The following R3HDM4 variants were observed in gnomAD, a reference collection of about 807,000 sequenced individuals.
R3HDM4 encodes R3H domain containing 4, also known as R3H domain-containing protein 4.
R3HDM4 carries 30 observed loss-of-function variants against 31.3 expected under a neutral mutation model. That is an observed-to-expected ratio of 0.96 (90% confidence interval 0.72 to 1.30). R3HDM4 has a LOEUF of 1.30. Among genes scored for constraint, R3HDM4 ranks in the 50% most tolerant of loss-of-function variants. R3HDM4 has a pLI of 0.00. For synonymous variants in R3HDM4, 196 were observed against 156.6 expected (o/e 1.25, Z -1.88); for missense variants, 444 against 366.1 (o/e 1.21, Z -1.74).
chr19:899,499 T>C lies in R3HDM4; in HGVS notation c.648-4A>G. On this transcript the variant is annotated splice_region_variant and splice_polypyrimidine_tract_variant and intron_variant, in intron 6 of 7. Transcript: ENST00000361574. The surrounding 1 kb of genome is among the most constrained non-coding windows in gnomAD (Gnocchi z 6.8). ...GTGCAGCAGAAGCCTCTCGAAGCTG[T>C]GGGGAACGGGCAGTGAGCGCCGTGC... 1 of 1,613,650 alleles carries C rather than the reference T, an allele frequency of 6.2e-7. No homozygotes were observed. Among genetic ancestry groups the C allele is most frequent in the Non-Finnish European group, 8.5e-7 (1 of 1,179,916 alleles).
Position 896,512 on chromosome 19 carries a change from C to T in R3HDM4, c.*925G>A, listed in dbSNP as rs1227229494. On this transcript the variant is annotated 3_prime_UTR_variant, in exon 8 of 8. Transcript: ENST00000361574. This position sits in a 1 kb window ranked among gnomAD's most constrained non-coding sequence, Gnocchi z 4.0. ...ACACACATAGCCCGAGGCCAGAGCA[C>T]CAGAAATTTATTAAATTCCCCACTT... 1 of 152,610 alleles carries T rather than the reference C, an allele frequency of 6.6e-6. No homozygotes were observed. Among genetic ancestry groups the T allele is most frequent in the Non-Finnish European group, 1.5e-5 (1 of 68,078 alleles). The allele number at this position is 152,610 out of a possible 1,614,324, so 9.5% of individuals were successfully genotyped here. A position where few individuals can be genotyped will look rare whatever the true frequency, so the allele number is the denominator to read the frequency against.
chr19:906,661 T>G (rs2036909197), intron 1 of R3HDM4, among the ~76,000 whole-genome samples: 1 of 152,158 alleles, frequency 6.6e-6, no homozygotes, highest in Non-Finnish European at 1.5e-5. Context: ...GATGGGGAAC[T>G]CACCCCTCAG....
At chr19:908,735 C>T (rs989186229) in intron 1 of R3HDM4, among the ~76,000 whole-genome samples, 4 of 152,228 alleles carry the variant, frequency 2.6e-5, no homozygotes, top group Non-Finnish European at 4.4e-5. Context: ...AGCCTCAGCT[C>T]TGTGTTCACC....
At chr19:911,225 C>G (rs1170317073) in intron 1 of R3HDM4, among the ~76,000 whole-genome samples, 1 of 152,220 alleles carries the variant, frequency 6.6e-6, no homozygotes, top group African/African-American at 2.4e-5. Context: ...GCAAGCAGAT[C>G]GTGAGGTCAG....
chr19:909,674 T>C (rs1181431044), intron 1 of R3HDM4, among the ~76,000 whole-genome samples: 1 of 151,912 alleles, frequency 6.6e-6, no homozygotes, highest in Non-Finnish European at 1.5e-5. Flanking sequence ...CACATGCCTG[T>C]AATCCCAGCT....
In R3HDM4 at chr19:901,527, C is replaced by T. The variant is rs1417064651; in HGVS notation, c.246G>A (p.Leu82=). The change falls in exon 3 of 8, where the codon CTG becomes CTA. Residue 82 remains leucine (L), a synonymous_variant. Coordinates refer to ENST00000361574, the MANE Select transcript of R3HDM4 (RefSeq NM_138774.4). ...RLENTQYLLT[L]LETDGGLPGL... ...CAGGCAGGCCCCCGTCTGTCTCCAG[C>T]AGGGTCAGGAGGTACTGGGCTAGGT... 2.5e-6 allele frequency: 4 copies of T among 1,607,066 alleles called. No individual in the cohort carries two copies. The highest frequency in any genetic ancestry group is 3.4e-6 in the Non-Finnish European group (4 of 1,179,750).
chr19:897,065 A>G lies in R3HDM4; in HGVS notation c.*372T>C, dbSNP rs2036747597. 5.3e-6 allele frequency: 1 copy of G among 186,922 alleles called. No individual in the cohort carries two copies. The highest frequency in any genetic ancestry group is 6.1e-5 in the Admixed American group (1 of 16,400). 11.6% of individuals were successfully genotyped at this position (186,922 alleles called of 1,614,324 possible). A position where few individuals can be genotyped will look rare whatever the true frequency, so the allele number is the denominator to read the frequency against. On this transcript the variant is annotated 3_prime_UTR_variant, in exon 8 of 8. Coordinates refer to ENST00000361574, the MANE Select transcript of R3HDM4 (RefSeq NM_138774.4). ...TTTTCTCTCCAAAAGGGAAATTTAA[A>G]AATCTACAACAAATCACACCAAATT...
chr19:901,679 C>T (rs2036839480), intron 2 of R3HDM4, 133 bp from the exon 3 acceptor site: 3 of 1,239,780 alleles, frequency 2.4e-6, no homozygotes, highest in South Asian at 3.0e-5. Flanking sequence ...ACTGTCTTCC[C>T]CAGAAGGTAC....
chr19:897,666 C>A, intron 7 of R3HDM4, 126 bp from the exon 8 acceptor site: 2 of 726,996 alleles, frequency 2.8e-6, no homozygotes, highest in South Asian at 1.8e-5. Flanking sequence ...GTGTGCTGGT[C>A]ACTGCGGCCT....
At position 901,002 on chromosome 19, in the gene R3HDM4, C is replaced by G. The variant is rs762871041; in HGVS notation, c.352-50G>C. ...CTTGCCATGAAACACTGGGGCTGCGCTGACATCCCCGGGCAAATGGGCACG... is the reference window on the plus strand; with the variant it reads ...CTTGCCATGAAACACTGGGGCTGCGGTGACATCCCCGGGCAAATGGGCACG... On this transcript the variant is annotated intron_variant, in intron 3 of 7. Coordinates refer to ENST00000361574, the MANE Select transcript of R3HDM4 (RefSeq NM_138774.4). 3 of 1,511,670 alleles carry G rather than the reference C, an allele frequency of 2.0e-6. No homozygotes were observed. The Admixed American group carries it at 6.4e-5, about 32-fold the overall frequency. 93.6% of individuals were successfully genotyped at this position (1,511,670 alleles called of 1,614,324 possible).
At chr19:900,235 C>T in intron 4 of R3HDM4, 89 bp from the exon 5 acceptor site, 1 of 1,047,882 alleles carries the variant, frequency 9.5e-7, no homozygotes, top group Non-Finnish European at 1.4e-6. Context: ...GGGAAGACCA[C>T]GCCCATCTGT....
At chr19:902,239 C>T in intron 1 of R3HDM4, 109 bp from the exon 2 acceptor site, 4 of 1,260,472 alleles carry the variant, frequency 3.2e-6, no homozygotes, top group Non-Finnish European at 4.5e-6. Context: ...ATGGAGAGCT[C>T]ACCCCTACGG....
intron 1 of R3HDM4, among the ~76,000 whole-genome samples, chr19:904,419 T>C (rs1161730961): frequency 6.6e-6 from 1 of 151,994 alleles, no homozygotes; most frequent in African/African-American, 2.4e-5. Flanking sequence ...GAGCCCACAG[T>C]CGAAAATCCC....
chr19:899,422 G>C lies in R3HDM4; in HGVS notation c.703+18C>G, dbSNP rs2036792620. The C allele has an allele frequency of 6.2e-7, 1 of 1,613,284 alleles. No homozygotes were observed. The highest frequency in any genetic ancestry group is 1.7e-5 in the Admixed American group (1 of 59,980). On this transcript the variant is annotated intron_variant, in intron 7 of 7. Coordinates refer to ENST00000361574, the MANE Select transcript of R3HDM4 (RefSeq NM_138774.4). This position sits in a 1 kb window ranked among gnomAD's most constrained non-coding sequence, Gnocchi z 6.8. ...TTGAGCTGGCCAACTTGGGGTCTTGGGGGCCACCGGCACTTACTGGCCGAG... is the reference window on the plus strand; with the variant it reads ...TTGAGCTGGCCAACTTGGGGTCTTGCGGGCCACCGGCACTTACTGGCCGAG...
At chr19:906,420 G>T (rs568045011) in intron 1 of R3HDM4, among the ~76,000 whole-genome samples, 8 of 151,940 alleles carry the variant, frequency 5.3e-5, no homozygotes, top group Non-Finnish European at 1.2e-4. Context: ...GGGGTTTACC[G>T]TGTCAGCCAG....
At chr19:901,759 G>T in intron 2 of R3HDM4, 1 of 820,764 alleles carries the variant, frequency 1.2e-6, no homozygotes, top group Non-Finnish European at 1.9e-6. Flanking sequence ...CAGCTCCAAT[G>T]CCCGGGGCGC....
chr19:910,364 G>A (rs2036957072), intron 1 of R3HDM4, among the ~76,000 whole-genome samples: 1 of 151,912 alleles, frequency 6.6e-6, no homozygotes, highest in Non-Finnish European at 1.5e-5. Context: ...CACACCTGTG[G>A]TCCTAGCTAC....
chr19:903,481 C>A (rs2036863233), intron 1 of R3HDM4, among the ~76,000 whole-genome samples: 1 of 151,904 alleles, frequency 6.6e-6, no homozygotes, highest in South Asian at 2.1e-4. Flanking sequence ...ACCGCAGCCA[C>A]CGGGCACCCG....
intron 1 of R3HDM4, among the ~76,000 whole-genome samples, chr19:911,787 C>T (rs2036974101): frequency 6.6e-6 from 1 of 152,102 alleles, no homozygotes. Context: ...CAGACCGCCC[C>T]GCTTCCGGGT....
Sources: allele counts gnomAD v4.1 joint callset (sites outside exome capture counted in the v4.1 genomes callset), GRCh38; gene constraint gnomAD v4.1.1; non-coding constraint Gnocchi (gnomAD v3.1); transcripts MANE v1.5; gene names NCBI Gene and HGNC (gene_info 2026-07-23, HGNC 2026-07-21).